PTPN13: variants seen among roughly 807,000 people sequenced by gnomAD.
The protein encoded by PTPN13 is tyrosine-protein phosphatase non-receptor type 13.
PTPN13 carries 191 observed loss-of-function variants against 284.0 expected under a neutral mutation model. The ratio of observed to expected loss-of-function variants is 0.67; its 90% CI spans 0.60 to 0.76. PTPN13 has a LOEUF of 0.76. Among genes scored for constraint, PTPN13 ranks in the 30% least tolerant of loss-of-function variants. PTPN13 has a pLI of 0.00. For missense variants in PTPN13, 2,797 were observed against 2,939.9 expected (o/e 0.95, Z 1.12); for synonymous variants, 986 against 1,022.3 (o/e 0.96, Z 0.68).
intron 2 of PTPN13, among the ~76,000 whole-genome samples, chr4:86,668,720 C>T (rs985920390): frequency 4.0e-5 from 6 of 151,240 alleles, no homozygotes; most frequent in Non-Finnish European, 7.4e-5. Context: ...CTCAGCCTCC[C>T]GAGTACCTGG....
intron 5 of PTPN13, among the ~76,000 whole-genome samples, chr4:86,690,593 C>A (rs911520791): frequency 4.0e-5 from 6 of 151,828 alleles, no homozygotes; most frequent in African/African-American, 1.5e-4. Context: ...AAACTGATAC[C>A]CAAACAACTA....
At chr4:86,771,655 C>A in intron 31 of PTPN13, 120 bp downstream of exon 31, 1 of 1,077,122 alleles carries the variant, frequency 9.3e-7, no homozygotes, top group Non-Finnish European at 1.3e-6. Flanking sequence ...AGTGGTTAGG[C>A]AGAGGATGAC....
intron 44 of PTPN13, among the ~76,000 whole-genome samples, 186 bp downstream of exon 44, chr4:86,805,555 T>G (rs904847903): frequency 6.6e-6 from 1 of 152,222 alleles, no homozygotes; most frequent in African/African-American, 2.4e-5. Context: ...ATGTAGGTAT[T>G]CTGAAAATCA....
At chr4:86,631,093 G>A (rs535508387) in intron 1 of PTPN13, among the ~76,000 whole-genome samples, 3 of 152,150 alleles carry the variant, frequency 2.0e-5, no homozygotes, top group African/African-American at 7.2e-5. Flanking sequence ...AAATAATATG[G>A]CTATGTTTAT....
At chr4:86,711,241 T>A (rs1438484472) in intron 7 of PTPN13, among the ~76,000 whole-genome samples, 1 of 151,818 alleles carries the variant, frequency 6.6e-6, no homozygotes, top group Admixed American at 6.6e-5. Context: ...CTCAAACTCC[T>A]GGGCTCGATC....
rs1319998154 is a variant in PTPN13 at position 86,734,891 on chromosome 4, T to C, written c.2151+16T>C. ...TCAACCAGAGGTAGGATTTGTGTTT[T>C]TTTCCAGGACCATTTTTGTTTGGTG... is the stretch of plus-strand genomic sequence containing the variant. On this transcript the variant is annotated intron_variant, in intron 14 of 47. Coordinates refer to ENST00000411767, the MANE Select transcript of PTPN13 (RefSeq NM_080683.3). The C allele has an allele frequency of 1.9e-6, 3 of 1,605,412 alleles. No individual in the cohort carries two copies. Among genetic ancestry groups the C allele is most frequent in the Non-Finnish European group, 1.7e-6 (2 of 1,173,608 alleles).
At chr4:86,740,065 G>T (rs912570446) in intron 15 of PTPN13, among the ~76,000 whole-genome samples, 4 of 152,186 alleles carry the variant, frequency 2.6e-5, no homozygotes, top group African/African-American at 7.2e-5. Context: ...GGTTTCATGG[G>T]CTGGTGTTGA....
intron 1 of PTPN13, among the ~76,000 whole-genome samples, chr4:86,599,009 C>T (rs1214832526): frequency 6.6e-6 from 1 of 152,198 alleles, no homozygotes; most frequent in African/African-American, 2.4e-5. Context: ...AGTTGTCCCT[C>T]CTTGGCCTCC....
chr4:86,750,481 T>C lies in PTPN13; in HGVS notation c.2662T>C (p.Phe888Leu), dbSNP rs1737256704. Residue 888 changes from phenylalanine to leucine, a missense_variant, in exon 18 of 48, where the codon TTT becomes CTT. By Grantham distance (22) the Phe-to-Leu change is conservative. Transcript: ENST00000411767. ...QDAQDIERAS[F>L]RSLNLQAESV... is the part of the protein sequence containing the mutation. Reference sequence around the variant, plus strand: ...CTATTTCCTTGTAGAGAGAGCTTCGTTTAGGAGCCTGAATCTCCAAGCAGA... The same window carrying C: ...CTATTTCCTTGTAGAGAGAGCTTCGCTTAGGAGCCTGAATCTCCAAGCAGA... 6.2e-7 allele frequency: 1 copy of C among 1,612,662 alleles called. No individual in the cohort carries two copies. The highest frequency in any genetic ancestry group is 8.5e-7 in the Non-Finnish European group (1 of 1,179,258).
At chr4:86,622,542 G>A (rs182954114) in intron 1 of PTPN13, among the ~76,000 whole-genome samples, 70 of 152,230 alleles carry the variant, frequency 4.6e-4, no homozygotes, top group Non-Finnish European at 9.7e-4. Context: ...AACCAATAAC[G>A]AAGGGATTAC....
chr4:86,613,373 C>A (rs1051165442), intron 1 of PTPN13, among the ~76,000 whole-genome samples: 1 of 151,610 alleles, frequency 6.6e-6, no homozygotes, highest in Admixed American at 6.6e-5. Context: ...CGGTGGCTCA[C>A]GCCTGTAATC....
intron 1 of PTPN13, among the ~76,000 whole-genome samples, chr4:86,632,021 C>A (rs925079431): frequency 6.8e-6 from 1 of 147,602 alleles, no homozygotes; most frequent in African/African-American, 2.5e-5. Context: ...CATAAGCAAC[C>A]TAATTTTGTT....
chr4:86,769,848 G>A lies in PTPN13; in HGVS notation c.4569G>A (p.Pro1523=), dbSNP rs201220001. 208 of 1,613,646 alleles carry A rather than the reference G, an allele frequency of 1.3e-4. No individual in the cohort carries two copies. Among genetic ancestry groups the A allele is most frequent in the Admixed American group, 4.2e-4 (25 of 59,990 alleles). ...TTTCTCGAGAAGATAATCTTATACC[G>A]GAGCAAATTAATGCCAGCATAGTAA... ...FSFSREDNLI[P]EQINASIVRV... Residue 1523 remains proline (P), a synonymous_variant, in exon 29 of 48, where the codon CCG becomes CCA. Coordinates refer to ENST00000411767, the MANE Select transcript of PTPN13 (RefSeq NM_080683.3).
intron 2 of PTPN13, chr4:86,661,106 C>A: frequency 1.5e-5 from 7 of 454,194 alleles, no homozygotes; most frequent in South Asian, 1.1e-4. Flanking sequence ...AGATTCAGAG[C>A]ATTTCAGCAC....
In PTPN13 at chr4:86,735,539, G is replaced by A. The variant is rs570895750; in HGVS notation, c.2152-55G>A. 2.5e-6 allele frequency: 4 copies of A among 1,568,954 alleles called. No individual in the cohort carries two copies. In the South Asian group the frequency reaches 3.5e-5, roughly 14 times the overall value. On this transcript the variant is annotated intron_variant, in intron 14 of 47. Coordinates refer to ENST00000411767, the MANE Select transcript of PTPN13 (RefSeq NM_080683.3). The stretch of plus-strand genomic sequence containing the variant: ...CAAGAACTTTAAGATAGAAGGAAAA[G>A]GGTTTACTCCAATAAAAGGCAAACA...
chr4:86,810,698 G>A (rs1745129615), intron 46 of PTPN13, among the ~76,000 whole-genome samples: 1 of 152,036 alleles, frequency 6.6e-6, no homozygotes, highest in South Asian at 2.1e-4. Context: ...TCTTTTTTAG[G>A]TTGGAAACAC....
At position 86,796,838 on chromosome 4, in the gene PTPN13, A is replaced by G. The variant is rs778466269; in HGVS notation, c.6346-36A>G. ...ATAGTATGCGATTTTTTTTGTTACAATGGGCTGATTTGATTCTTATATATT... is the reference window on the plus strand; with the variant it reads ...ATAGTATGCGATTTTTTTTGTTACAGTGGGCTGATTTGATTCTTATATATT... On this transcript the variant is annotated intron_variant, in intron 40 of 47. Transcript: ENST00000411767. 6.7e-6 allele frequency: 9 copies of G among 1,342,194 alleles called. 1 individual carries two copies. The highest frequency in any genetic ancestry group is 2.7e-5 in the South Asian group (2 of 75,168). The allele number at this position is 1,342,194 out of a possible 1,614,324, so 83.1% of individuals were successfully genotyped here. A position where few individuals can be genotyped will look rare whatever the true frequency, so the allele number is the denominator to read the frequency against.
intron 2 of PTPN13, among the ~76,000 whole-genome samples, chr4:86,669,545 T>G (rs550041704): frequency 6.6e-6 from 1 of 152,218 alleles, no homozygotes; most frequent in South Asian, 2.1e-4. Flanking sequence ...TTTACTGACC[T>G]TGGTTGTCCT....
At chr4:86,627,311 T>C (rs192664468) in intron 1 of PTPN13, among the ~76,000 whole-genome samples, 2 of 152,248 alleles carry the variant, frequency 1.3e-5, no homozygotes, top group Admixed American at 1.3e-4. Flanking sequence ...AAATTTAACA[T>C]TGTATATTTT....
Sources: gnomAD v4.1 joint callset for allele counts (sites outside exome capture counted in the v4.1 genomes callset) on GRCh38, gnomAD v4.1.1 for gene constraint, MANE v1.5 for transcripts, NCBI Gene and HGNC (gene_info 2026-07-23, HGNC 2026-07-21) for gene names.